The following INSL6 variants were observed in gnomAD, a reference collection of about 807,000 sequenced individuals.
INSL6 encodes the protein insulin-like peptide INSL6.
In INSL6, 16 loss-of-function variants were observed where a neutral mutation model predicts 9.4. The observed-to-expected ratio is 1.70, with a 90% CI of 1.15 to 2.59. The LOEUF (loss-of-function observed/expected upper bound fraction) is 2.59. Ranked by LOEUF, INSL6 falls within the 30% of genes most tolerant of loss-of-function variation. INSL6 has a pLI of 0.00. For synonymous variants in INSL6, 154 were observed against 96.9 expected, an observed-to-expected ratio of 1.59 and a Z score of -3.46; for missense variants, 391 against 257.3, an observed-to-expected ratio of 1.52 and a Z score of -3.56.
intron 2 of INSL6, among the ~76,000 whole-genome samples, chr9:5,144,056 T>C (rs1824553189): frequency 6.6e-6 from 1 of 152,214 alleles, no homozygotes; most frequent in South Asian, 2.1e-4. Flanking sequence ...TTGGAATTTG[T>C]TTGCTCTTGG....
At chr9:5,099,541 C>A in the INSL6 span, 3 of 152,216 alleles carry the variant, frequency 2.0e-5, no homozygotes, top group Middle Eastern at 3.4e-3. Flanking sequence ...CACAAAAACA[C>A]AAGGCTTCCT....
the INSL6 span, among the ~76,000 whole-genome samples, chr9:5,074,242 C>G: frequency 2.0e-5 from 3 of 152,164 alleles, no homozygotes; most frequent in South Asian, 4.2e-4. Flanking sequence ...TTCACAGAAA[C>G]TACTAAAAGT....
At chr9:5,107,249 C>T in the INSL6 span, among the ~76,000 whole-genome samples, 6 of 152,050 alleles carry the variant, frequency 3.9e-5, no homozygotes, top group African/African-American at 1.5e-4. Flanking sequence ...GCCTTAGTAA[C>T]CGACACCTTA....
the INSL6 span, chr9:5,085,580 C>T: frequency 1.4e-6 from 1 of 691,228 alleles, no homozygotes; most frequent in South Asian, 1.6e-5. Flanking sequence ...CCAGTTTGTG[C>T]CCCACCTATA....
chr9:5,137,740 G>T (rs964676982), intron 2 of INSL6, among the ~76,000 whole-genome samples: 1 of 152,130 alleles, frequency 6.6e-6, no homozygotes, highest in Non-Finnish European at 1.5e-5. Flanking sequence ...TGACATATGG[G>T]ATCTAATTAA....
At chr9:5,161,460 A>G (rs1038648192), downstream of INSL6, among the ~76,000 whole-genome samples, 16 of 152,208 alleles carry the variant, frequency 1.1e-4, no homozygotes, top group African/African-American at 3.9e-4. Flanking sequence ...TGATAGACCC[A>G]CAGCTAGTAT....
chr9:5,035,283 C>T, the INSL6 span, among the ~76,000 whole-genome samples: 4 of 152,208 alleles, frequency 2.6e-5, no homozygotes, highest in Admixed American at 2.6e-4. Context: ...GATGGATTCA[C>T]AGCTGAATTC....
At chr9:5,072,716 T>G in the INSL6 span, 5 of 990,394 alleles carry the variant, frequency 5.0e-6, no homozygotes, top group Non-Finnish European at 6.9e-6. Flanking sequence ...GTGCAGCTTT[T>G]CAAAATTGTA....
chr9:5,173,873 C>G (rs1400620992), intron 1 of INSL6, among the ~76,000 whole-genome samples: 1 of 151,988 alleles, frequency 6.6e-6, no homozygotes, highest in Non-Finnish European at 1.5e-5. Flanking sequence ...TAATAGACAC[C>G]CATCCTCAAT....
In INSL6 at chr9:5,179,043, GC is replaced by G. The variant is rs796526093; in HGVS notation, c.289+6270del. Among the ~76,000 whole-genome samples the G allele has an allele frequency of 2.2e-4, 22 of 98,124 alleles. 2 individuals carry two copies. The highest frequency in any genetic ancestry group is 9.4e-4 in the African/African-American group (20 of 21,334). 64.4% of individuals were successfully genotyped at this position (98,124 alleles called of 152,430 possible). ...AATTAAACTAAAGGGCTTCTGCACAGCAAAAAAAAAAAAAAATCATGAGAGT... is the reference window on the plus strand; with the variant it reads ...AATTAAACTAAAGGGCTTCTGCACAGAAAAAAAAAAAAAAATCATGAGAGT... On this transcript the variant is annotated intron_variant, in intron 1 of 1. Coordinates refer to ENST00000381641, the MANE Select transcript of INSL6 (RefSeq NM_007179.3).
chr9:5,170,705 T>G (rs554145833), intron 1 of INSL6, among the ~76,000 whole-genome samples: 1 of 151,816 alleles, frequency 6.6e-6, no homozygotes, highest in East Asian at 1.9e-4. Context: ...GATAATACTA[T>G]AAACACCTCT....
chr9:5,035,892 T>A, the INSL6 span, among the ~76,000 whole-genome samples: 4 of 152,296 alleles, frequency 2.6e-5, no homozygotes, highest in East Asian at 3.9e-4. Flanking sequence ...GCAGTCAGGC[T>A]GGAGAAGGAA....
At chr9:5,120,890 GT>G (rs1279127033), downstream of INSL6, among the ~76,000 whole-genome samples, 1 of 152,192 alleles carries the variant, frequency 6.6e-6, no homozygotes, top group Non-Finnish European at 1.5e-5. Flanking sequence ...TAATCAGCAA[GT>G]TTTGGAAAGA....
At chr9:5,066,002 C>G in the INSL6 span, among the ~76,000 whole-genome samples, 4 of 151,970 alleles carry the variant, frequency 2.6e-5, no homozygotes, top group Non-Finnish European at 4.4e-5. Context: ...AACTCCTTGC[C>G]TTTATTCATG....
the INSL6 span, among the ~76,000 whole-genome samples, chr9:5,056,960 A>G: frequency 3.3e-5 from 5 of 152,190 alleles, no homozygotes; most frequent in African/African-American, 7.2e-5. Context: ...TAAGTGTGAC[A>G]CTAACTTCTT....
chr9:5,153,239 T>A (rs918058040), intron 2 of INSL6, among the ~76,000 whole-genome samples: 1 of 152,060 alleles, frequency 6.6e-6, no homozygotes, highest in African/African-American at 2.4e-5. Flanking sequence ...AGCCAAGTAG[T>A]CTGGCTCTGT....
chr9:5,174,698 C>A (rs911932343), intron 1 of INSL6, among the ~76,000 whole-genome samples: 1 of 152,176 alleles, frequency 6.6e-6, no homozygotes, highest in Non-Finnish European at 1.5e-5. Context: ...TATCTGCAAA[C>A]AAGATGACTC....
chr9:5,165,283 A>G (rs568910453), intron 1 of INSL6, among the ~76,000 whole-genome samples: 1 of 152,214 alleles, frequency 6.6e-6, no homozygotes, highest in Non-Finnish European at 1.5e-5. Context: ...TATGTTTTGA[A>G]TTCTTTGGGA....
the INSL6 span, among the ~76,000 whole-genome samples, chr9:5,028,327 A>G: frequency 2.0e-5 from 3 of 152,346 alleles, no homozygotes; most frequent in South Asian, 2.1e-4. Context: ...TTAGGTCTCA[A>G]CGGTGGCTTA....
Sources: gnomAD v4.1 joint callset for allele counts (sites outside exome capture counted in the v4.1 genomes callset) on GRCh38, gnomAD v4.1.1 for gene constraint, MANE v1.5 for transcripts, NCBI Gene and HGNC (gene_info 2026-07-23, HGNC 2026-07-21) for gene names.